PRDM2: variants seen among roughly 807,000 people sequenced by gnomAD.
PRDM2 encodes PR domain zinc finger protein 2.
In PRDM2, 30 loss-of-function variants were observed where a neutral mutation model predicts 130.0. The ratio of observed to expected loss-of-function variants is 0.23; its 90% CI spans 0.17 to 0.31. The LOEUF (loss-of-function observed/expected upper bound fraction) is 0.31, where lower values mean the gene tolerates loss of function less well. Ranked by LOEUF, PRDM2 falls within the 10% of genes least tolerant of loss-of-function variation. The pLI, the probability that PRDM2 is intolerant of heterozygous loss-of-function variation, is 1.00. For missense variants in PRDM2, 2,011 were observed against 2,108.4 expected, an observed-to-expected ratio of 0.95 and a Z score of 0.90; for synonymous variants, 871 against 782.4, an observed-to-expected ratio of 1.11 and a Z score of -1.89.
In PRDM2 at chr1:13,779,736, G is replaced by C. The variant is rs371932397; in HGVS notation, c.1941G>C (p.Leu647=). 98 of 1,613,956 alleles carry C rather than the reference G, an allele frequency of 6.1e-5. No individual in the cohort carries two copies. The highest frequency in any genetic ancestry group is 7.9e-5 in the Non-Finnish European group (93 of 1,180,000). The change falls in exon 8 of 10, where the codon CTG becomes CTC. Residue 647 remains leucine (L), a synonymous_variant. Coordinates refer to ENST00000311066, the MANE Select transcript of PRDM2 (RefSeq NM_001393986.1). This position sits in a 1 kb window ranked among gnomAD's most constrained non-coding sequence, Gnocchi z 4.9. ...GGAGAACTGCGAGCCCACCTGCACT[G>C]CCCAAAATTAAGGCCGAAACAGACT... ...KKRRTASPPA[L]PKIKAETDSD... is the part of the protein sequence containing the mutation.
At chr1:13,821,876 GA>G in intron 9 of PRDM2, among the ~76,000 whole-genome samples, 1 of 152,288 alleles carries the variant, frequency 6.6e-6, no homozygotes, top group African/African-American at 2.4e-5. Flanking sequence ...CTCCCGACTG[GA>G]AGAGCACACA....
intron 1 of PRDM2, among the ~76,000 whole-genome samples, chr1:13,710,905 T>C (rs940110430): frequency 2.0e-5 from 3 of 152,034 alleles, no homozygotes; most frequent in African/African-American, 7.2e-5. Context: ...GCTAACACAG[T>C]GAAACTCCGT....
chr1:13,820,390 A>T (rs1426418335), intron 9 of PRDM2, among the ~76,000 whole-genome samples: 1 of 152,162 alleles, frequency 6.6e-6, no homozygotes, highest in African/African-American at 2.4e-5. Flanking sequence ...ACTGTGACTC[A>T]CACAAAGCCC....
chr1:13,809,154 C>T (rs1023746038), intron 8 of PRDM2, among the ~76,000 whole-genome samples: 1 of 152,178 alleles, frequency 6.6e-6, no homozygotes, highest in African/African-American at 2.4e-5. Context: ...GCAGTGCAGG[C>T]TGGACTTGAT....
chr1:13,749,210 C>A, intron 5 of PRDM2, 151 bp from the exon 6 acceptor site: 1 of 669,576 alleles, frequency 1.5e-6, no homozygotes, highest in Non-Finnish European at 1.9e-6. Flanking sequence ...CGCACGGGGC[C>A]GGGAGCCCTT....
intron 1 of PRDM2, among the ~76,000 whole-genome samples, chr1:13,704,369 C>G (rs1642148135): frequency 1.4e-5 from 2 of 145,032 alleles, no homozygotes; most frequent in South Asian, 4.6e-4. Flanking sequence ...TTTCTTAGTA[C>G]TGTATAGTAT....
chr1:13,764,280 G>A (rs1644172543), intron 6 of PRDM2, among the ~76,000 whole-genome samples: 2 of 152,016 alleles, frequency 1.3e-5, no homozygotes, highest in African/African-American at 2.4e-5. Flanking sequence ...TCTTTATTTT[G>A]TAGTTGCCTC....
chr1:13,811,493 C>T (rs370275114), intron 8 of PRDM2, among the ~76,000 whole-genome samples: 38 of 152,320 alleles, frequency 2.5e-4, no homozygotes, highest in East Asian at 1.9e-3. Flanking sequence ...GGACAGGGGC[C>T]GGGCCTGGGG....
At position 13,778,599 on chromosome 1, in the gene PRDM2, A is replaced by G. The variant is rs1553160886; in HGVS notation, c.804A>G (p.Glu268=). The G allele has an allele frequency of 5.0e-6, 8 of 1,611,608 alleles. No individual in the cohort carries two copies. The part of the protein sequence containing the change: ...AAACEVNDLG[E]EEEEEEEEDE... ...CTTGTGAGGTGAATGATTTGGGGGA[A>G]GAGGAGGAGGAGGAAGAGGAGGAGG... The change falls in exon 8 of 10, where the codon GAA becomes GAG. Residue 268 remains glutamate, a synonymous_variant. Coordinates refer to ENST00000311066, the MANE Select transcript of PRDM2 (RefSeq NM_001393986.1).
intron 1 of PRDM2, among the ~76,000 whole-genome samples, chr1:13,708,388 A>G (rs1043011149): frequency 1.3e-5 from 2 of 152,208 alleles, no homozygotes; most frequent in African/African-American, 4.8e-5. Context: ...ACTTAAATAT[A>G]TCAAACAAAA....
chr1:13,794,046 T>C (rs1013987273), intron 8 of PRDM2, among the ~76,000 whole-genome samples: 15 of 152,174 alleles, frequency 9.9e-5, no homozygotes, highest in Non-Finnish European at 2.9e-5. Context: ...TGGTCTGCCA[T>C]GATTACATAG....
intron 3 of PRDM2, among the ~76,000 whole-genome samples, chr1:13,731,741 G>A (rs1277813240): frequency 6.6e-6 from 1 of 152,094 alleles, no homozygotes; most frequent in Non-Finnish European, 1.5e-5. Context: ...TAAAACTTTA[G>A]TCAAAATACA....
At chr1:13,706,288 G>T (rs951739296) in intron 1 of PRDM2, among the ~76,000 whole-genome samples, 1 of 152,146 alleles carries the variant, frequency 6.6e-6, no homozygotes, top group Admixed American at 6.5e-5. Flanking sequence ...CTTTCTGGCT[G>T]CCCTCTCCTC....
At chr1:13,790,008 G>A (rs1248401605) in intron 8 of PRDM2, among the ~76,000 whole-genome samples, 1 of 152,154 alleles carries the variant, frequency 6.6e-6, no homozygotes. Context: ...GGTGTGGATG[G>A]GCCATTCTGC....
At chr1:13,748,941 A>G (rs1643703356) in intron 5 of PRDM2, among the ~76,000 whole-genome samples, 1 of 152,176 alleles carries the variant, frequency 6.6e-6, no homozygotes, top group African/African-American at 2.4e-5. Flanking sequence ...AACGCGCGCT[A>G]GTCGTTGTCT....
chr1:13,781,583 A>G lies in PRDM2; in HGVS notation c.3788A>G (p.Asn1263Ser). The change falls in exon 8 of 10, where the codon AAT becomes AGT. Residue 1263 changes from asparagine (N) to serine (S), a missense_variant. Around this residue, in one of 5 missense-constraint regions of PRDM2, gnomAD observed 229 missense variants for 364.1 expected, o/e 0.63. Transcript: ENST00000311066. This position sits in a 1 kb window ranked among gnomAD's most constrained non-coding sequence, Gnocchi z 6.1. ...LETSKEEEELNDSSEELYTTI... is the reference protein window; with the variant it reads ...LETSKEEEELSDSSEELYTTI... Reference sequence around the variant, plus strand: ...ACTTCTAAAGAAGAAGAGGAGTTAAATGATTCCTCTGAAGAGCTTTACACG... The same window carrying G: ...ACTTCTAAAGAAGAAGAGGAGTTAAGTGATTCCTCTGAAGAGCTTTACACG... The G allele has an allele frequency of 6.2e-7, 1 of 1,612,660 alleles. No homozygotes were observed. The highest frequency in any genetic ancestry group is 8.5e-7 in the Non-Finnish European group (1 of 1,179,754).
At position 13,778,502 on chromosome 1, in the gene PRDM2, C is replaced by T. The variant is rs371186158; in HGVS notation, c.707C>T (p.Pro236Leu). The change falls in exon 8 of 10, where the codon CCT becomes CTT. Residue 236 changes from proline (P) to leucine (L), a missense_variant. Physicochemically the swap from Pro to Leu is moderately conservative, Grantham distance 98 (BLOSUM62 -3). This residue lies in a region of PRDM2 where 1,288 missense variants were observed against 1,237.7 expected (regional missense o/e 1.04). Coordinates refer to ENST00000311066, the MANE Select transcript of PRDM2 (RefSeq NM_001393986.1). The stretch of plus-strand genomic sequence containing the variant: ...CAGGAGGTGGCCAGTCAGGAGGTGC[C>T]TCCAGAACTAGCAACCCCTGCCCCT... ...TLQEVASQEVPPELATPAPAW... is the reference protein window; with the variant it reads ...TLQEVASQEVLPELATPAPAW... 1 of 1,614,164 alleles carries T rather than the reference C, an allele frequency of 6.2e-7. No homozygotes were observed. The highest frequency in any genetic ancestry group is 8.5e-7 in the Non-Finnish European group (1 of 1,180,032).
At chr1:13,785,922 T>C (rs1208942741) in intron 8 of PRDM2, among the ~76,000 whole-genome samples, 1 of 149,118 alleles carries the variant, frequency 6.7e-6, no homozygotes, top group Non-Finnish European at 1.5e-5. Flanking sequence ...CACTGCAAGC[T>C]CTGCCTCCCG....
At chr1:13,701,934 T>C (rs558576582) in intron 1 of PRDM2, among the ~76,000 whole-genome samples, 64 of 152,386 alleles carry the variant, frequency 4.2e-4, no homozygotes, top group African/African-American at 1.5e-3. Flanking sequence ...TTCCTTATTT[T>C]GTGGACAGGG....
Sources: gnomAD v4.1 joint callset for allele counts (sites outside exome capture counted in the v4.1 genomes callset) on GRCh38, gnomAD v4.1.1 for gene constraint, gnomAD v4.1.1 regional missense constraint, Gnocchi (gnomAD v3.1) non-coding constraint, MANE v1.5 for transcripts, NCBI Gene and HGNC (gene_info 2026-07-23, HGNC 2026-07-21) for gene names.